Variants in KIAA1217 observed in about 807,000 individuals in gnomAD.
The protein encoded by KIAA1217 is sickle tail protein homolog.
A neutral mutation model predicts 163.9 loss-of-function variants in KIAA1217; 88 were observed. The ratio of observed to expected loss-of-function variants is 0.54; its 90% CI spans 0.45 to 0.64. KIAA1217 has a LOEUF of 0.64. Ranked by LOEUF, KIAA1217 falls within the 30% of genes least tolerant of loss-of-function variation. The pLI is 0.00. For synonymous variants in KIAA1217, 903 were observed against 923.1 expected (o/e 0.98, Z 0.39); for missense variants, 2,372 against 2,475.0 (o/e 0.96, Z 0.88).
chr10:24,535,790 A>T (rs954420087), intron 16 of KIAA1217, among the ~76,000 whole-genome samples: 9 of 152,008 alleles, frequency 5.9e-5, no homozygotes, highest in African/African-American at 2.2e-4. Context: ...TAAATAAACA[A>T]ACAAACAAAC....
In KIAA1217 at chr10:24,545,051, T is replaced by G. The variant is rs1259218049; in HGVS notation, c.5282T>G (p.Leu1761Arg). 5.6e-6 allele frequency: 9 copies of G among 1,614,096 alleles called. No individual in the cohort carries two copies. The highest frequency in any genetic ancestry group is 3.3e-4 in the Middle Eastern group (2 of 6,062). The change falls in exon 20 of 21, where the codon CTG becomes CGG. Residue 1761 changes from leucine to arginine, a missense_variant. Physicochemically the swap from Leu to Arg is moderately radical, Grantham distance 102. Transcript: ENST00000376454. ...PMSAKNRPGT[L>R]DKPGKQSKLQ... ...AGTGCCAAGAACAGACCCGGAACCC[T>G]GGACAAACCCGGCAAGCAGTCCAAA...
chr10:23,787,694 C>G (rs183185582), intron 1 of KIAA1217, among the ~76,000 whole-genome samples: 1 of 152,228 alleles, frequency 6.6e-6, no homozygotes, highest in Non-Finnish European at 1.5e-5. Context: ...ATTTCTAATT[C>G]AATGTGTTAC....
intron 1 of KIAA1217, among the ~76,000 whole-genome samples, chr10:23,756,673 A>G (rs77393002): frequency 6.6e-6 from 1 of 152,358 alleles, no homozygotes; most frequent in East Asian, 1.9e-4. Flanking sequence ...TTTAAAATAT[A>G]TAACAGTCCT....
At chr10:24,157,607 T>A (rs377544399) in intron 2 of KIAA1217, among the ~76,000 whole-genome samples, 10 of 152,278 alleles carry the variant, frequency 6.6e-5, no homozygotes, top group African/African-American at 1.4e-4. Flanking sequence ...CTAGTATACC[T>A]GGGATTTGTA....
intron 1 of KIAA1217, among the ~76,000 whole-genome samples, chr10:23,905,063 C>CTTTT (rs562938938): frequency 1.0e-5 from 1 of 99,934 alleles, no homozygotes; most frequent in African/African-American, 3.9e-5. Context: ...TTCTCTTTTC[C>CTTTT]TTTTTTTTTT....
intron 1 of KIAA1217, among the ~76,000 whole-genome samples, chr10:23,911,051 C>T (rs1047663499): frequency 3.3e-5 from 5 of 152,116 alleles, no homozygotes; most frequent in Non-Finnish European, 7.4e-5. Flanking sequence ...TGCCAGATGG[C>T]GAGTCAAGTT....
intron 2 of KIAA1217, among the ~76,000 whole-genome samples, chr10:24,099,428 T>C (rs1403643406): frequency 1.3e-5 from 2 of 151,158 alleles, no homozygotes; most frequent in African/African-American, 2.4e-5. Context: ...AGTGAGAACA[T>C]GCAGTATTTG....
intron 1 of KIAA1217, among the ~76,000 whole-genome samples, chr10:23,760,409 T>TTC (rs1266310600): frequency 6.6e-6 from 1 of 152,142 alleles, no homozygotes; most frequent in East Asian, 1.9e-4. Context: ...GTTGAGTTAG[T>TTC]TAAGTTTGTG....
chr10:24,147,862 A>AAAAAAAAAAG (rs1564755588), intron 2 of KIAA1217, among the ~76,000 whole-genome samples: 2 of 143,532 alleles, frequency 1.4e-5, no homozygotes, highest in Admixed American at 7.1e-5. Flanking sequence ...AAAAAAAAAA[A>AAAAAAAAAAG]GAAAGAAAGA....
At chr10:24,251,878 AAAG>A (rs1435387313) in intron 2 of KIAA1217, among the ~76,000 whole-genome samples, 4 of 143,216 alleles carry the variant, frequency 2.8e-5, no homozygotes, top group Admixed American at 2.2e-4. Flanking sequence ...AAAAAAAAAA[AAAG>A]GGGCGGGGAG....
chr10:23,896,420 C>A (rs1473563613), intron 1 of KIAA1217, among the ~76,000 whole-genome samples: 2 of 152,044 alleles, frequency 1.3e-5, no homozygotes, highest in Non-Finnish European at 2.9e-5. Flanking sequence ...ACCCTCTGTT[C>A]ACCCCTATGA....
At chr10:24,000,936 G>C (rs975684685) in intron 1 of KIAA1217, among the ~76,000 whole-genome samples, 3 of 152,200 alleles carry the variant, frequency 2.0e-5, no homozygotes, top group South Asian at 2.1e-4. Flanking sequence ...AAAATGTGTG[G>C]ACTCTGATGG....
rs114148818 is a variant in KIAA1217 at position 23,885,453 on chromosome 10, A to G, written c.-320-121772A>G. Among the ~76,000 whole-genome samples the G allele has an allele frequency of 5.7e-3, 862 of 152,032 alleles. 7 individuals carry two copies. Among genetic ancestry groups the G allele is most frequent in the African/African-American group, 0.02 (839 of 41,496 alleles). On this transcript the variant is annotated intron_variant, in intron 1 of 18. Transcript: ENST00000376462. ...TGAAGTTGGAATCTCTAAATGGGGA[A>G]ACTGACAGAGAGTAGATTTGAAGGT...
chr10:24,377,149 G>C (rs1031954427), intron 2 of KIAA1217, among the ~76,000 whole-genome samples: 1 of 152,168 alleles, frequency 6.6e-6, no homozygotes, highest in East Asian at 1.9e-4. Flanking sequence ...GACAAGTGGG[G>C]TTCAGGTGGC....
At chr10:23,745,095 C>T (rs774359018) in intron 1 of KIAA1217, among the ~76,000 whole-genome samples, 1 of 152,120 alleles carries the variant, frequency 6.6e-6, no homozygotes, top group Non-Finnish European at 1.5e-5. Context: ...AAAAGTTAAC[C>T]ATCACAGCCT....
chr10:23,718,879 G>A (rs1837716689), intron 1 of KIAA1217, among the ~76,000 whole-genome samples: 2 of 151,756 alleles, frequency 1.3e-5, no homozygotes, highest in African/African-American at 2.4e-5. Context: ...GAGAGAGAGA[G>A]AGAGGAGAAA....
At chr10:24,086,021 G>A (rs777454650) in intron 2 of KIAA1217, among the ~76,000 whole-genome samples, 3 of 151,546 alleles carry the variant, frequency 2.0e-5, no homozygotes, top group African/African-American at 7.3e-5. Context: ...TCCCCTGACT[G>A]CTCCTCCCTG....
chr10:24,009,804 C>T (rs1382237091), intron 2 of KIAA1217, among the ~76,000 whole-genome samples: 2 of 152,128 alleles, frequency 1.3e-5, no homozygotes, highest in Non-Finnish European at 2.9e-5. Context: ...TTGTTCTAGT[C>T]TCTGCTGCAG....
At chr10:24,068,891 G>T (rs564333235) in intron 2 of KIAA1217, among the ~76,000 whole-genome samples, 84 of 152,314 alleles carry the variant, frequency 5.5e-4, no homozygotes, top group Non-Finnish European at 1.1e-3. Flanking sequence ...GGAAGTTTGT[G>T]CATACTAGTT....
Sources: allele counts gnomAD v4.1 joint callset (sites outside exome capture counted in the v4.1 genomes callset), GRCh38; gene constraint gnomAD v4.1.1; transcripts MANE v1.5; gene names NCBI Gene and HGNC (gene_info 2026-07-23, HGNC 2026-07-21).